IQCM: variants seen among roughly 807,000 people sequenced by gnomAD.
IQCM encodes IQ domain-containing protein M.
A neutral mutation model predicts 57.6 loss-of-function variants in IQCM; 45 were observed. The ratio of observed to expected loss-of-function variants is 0.78; its 90% CI spans 0.62 to 1.00. The LOEUF is 1.00. Ranked by LOEUF, IQCM falls within the 50% of genes least tolerant of loss-of-function variation. IQCM has a pLI of 0.00. For missense variants in IQCM, 468 were observed against 511.6 expected (o/e 0.91, Z 0.82); for synonymous variants, 148 against 158.9 (o/e 0.93, Z 0.51).
chr4:149,408,955 A>G (rs1179129403), intron 13 of IQCM, among the ~76,000 whole-genome samples: 2 of 152,222 alleles, frequency 1.3e-5, no homozygotes, highest in Non-Finnish European at 2.9e-5. Context: ...TTTTGTGTAC[A>G]CATCGCAACC....
intron 12 of IQCM, among the ~76,000 whole-genome samples, chr4:149,514,307 A>G (rs1297113086): frequency 1.3e-5 from 2 of 152,200 alleles, no homozygotes; most frequent in Non-Finnish European, 2.9e-5. Flanking sequence ...GTGAAAGAAC[A>G]TGCTAAATAT....
At chr4:149,761,694 T>C (rs1769531882) in intron 2 of IQCM, among the ~76,000 whole-genome samples, 1 of 152,092 alleles carries the variant, frequency 6.6e-6, no homozygotes, top group Non-Finnish European at 1.5e-5. Flanking sequence ...TCCCTCATAG[T>C]TCCTACGAAG....
chr4:149,701,963 G>C (rs1763804425), intron 5 of IQCM, among the ~76,000 whole-genome samples: 1 of 151,762 alleles, frequency 6.6e-6, no homozygotes, highest in Non-Finnish European at 1.5e-5. Flanking sequence ...ATCTTTTCTA[G>C]CCTCACAACT....
intron 7 of IQCM, among the ~76,000 whole-genome samples, chr4:149,650,230 G>GAC (rs1390945583): frequency 6.6e-6 from 1 of 151,586 alleles, no homozygotes; most frequent in African/African-American, 2.4e-5. Context: ...GAGACACAAA[G>GAC]ACACACAGGA....
chr4:149,652,341 T>C (rs1430309836), intron 7 of IQCM, among the ~76,000 whole-genome samples: 2 of 152,008 alleles, frequency 1.3e-5, no homozygotes. Context: ...AAATACCTAA[T>C]GCATGCGGGG....
chr4:149,741,987 A>T (rs1767499537), intron 3 of IQCM, among the ~76,000 whole-genome samples: 1 of 152,148 alleles, frequency 6.6e-6, no homozygotes, highest in Non-Finnish European at 1.5e-5. Context: ...TACAGTGTGA[A>T]CTGAATATGT....
intron 13 of IQCM, among the ~76,000 whole-genome samples, chr4:149,428,458 G>C (rs1444606673): frequency 1.3e-5 from 2 of 151,802 alleles, no homozygotes; most frequent in Non-Finnish European, 2.9e-5. Flanking sequence ...AGGATTAGGA[G>C]GGATTCTGAA....
chr4:149,690,384 A>C (rs1762858562), intron 5 of IQCM, among the ~76,000 whole-genome samples: 1 of 151,896 alleles, frequency 6.6e-6, no homozygotes, highest in Admixed American at 6.6e-5. Flanking sequence ...GTGGATGCAA[A>C]GGCATAAGAA....
intron 10 of IQCM, among the ~76,000 whole-genome samples, chr4:149,562,074 G>A (rs1750178310): frequency 6.6e-6 from 1 of 152,290 alleles, no homozygotes; most frequent in South Asian, 2.1e-4. Flanking sequence ...ATGTGATGAA[G>A]CTTAACAAAA....
chr4:149,608,102 C>T (rs1028845638), intron 8 of IQCM, among the ~76,000 whole-genome samples: 4 of 151,016 alleles, frequency 2.6e-5, no homozygotes, highest in African/African-American at 7.3e-5. Flanking sequence ...CAGTGGAAAC[C>T]AAAAAAAGAG....
chr4:149,432,831 A>G (rs1734996726), intron 13 of IQCM, among the ~76,000 whole-genome samples: 1 of 152,060 alleles, frequency 6.6e-6, no homozygotes, highest in African/African-American at 2.4e-5. Context: ...TTGAATAGAC[A>G]CTTCAACAAA....
chr4:149,618,678 A>G (rs1396353693), intron 8 of IQCM, among the ~76,000 whole-genome samples: 1 of 152,222 alleles, frequency 6.6e-6, no homozygotes, highest in African/African-American at 2.4e-5. Flanking sequence ...GGCAAAGGAC[A>G]TAAGTGGACA....
At chr4:149,419,129 A>C (rs986176735) in intron 13 of IQCM, among the ~76,000 whole-genome samples, 3 of 152,104 alleles carry the variant, frequency 2.0e-5, no homozygotes, top group African/African-American at 4.8e-5. Context: ...TCACAGCTAT[A>C]GAAGAAACTA....
intron 2 of IQCM, among the ~76,000 whole-genome samples, chr4:149,782,145 G>A (rs2150010659): frequency 6.6e-6 from 1 of 152,060 alleles, no homozygotes; most frequent in Non-Finnish European, 1.5e-5. Context: ...AAATTCAGTG[G>A]AAAATGATTC....
rs944624479 is a variant in IQCM, at chr4:149,735,459, C to T, written c.38-1G>A. 97 of 1,180,430 alleles carry T rather than the reference C, an allele frequency of 8.2e-5. No individual in the cohort carries two copies. Among genetic ancestry groups the T allele is most frequent in the Admixed American group, 2.1e-4 (5 of 23,610 alleles). 73.1% of individuals were successfully genotyped at this position (1,180,430 alleles called of 1,614,324 possible). A position where few individuals can be genotyped will look rare whatever the true frequency, so the allele number is the denominator to read the frequency against. On this transcript the variant is annotated splice_acceptor_variant, in intron 3 of 13. Coordinates refer to ENST00000636793, the MANE Select transcript of IQCM (RefSeq NM_001363507.2). LOFTEE classifies it high-confidence loss of function. ...TGCTTGGTGATCTCTAATGTAGGAC[C>T]TAATATACAAACAGAGAAACATTTT...
At chr4:149,383,451 A>G (rs1731212829) in intron 13 of IQCM, among the ~76,000 whole-genome samples, 1 of 152,176 alleles carries the variant, frequency 6.6e-6, no homozygotes, top group Non-Finnish European at 1.5e-5. Context: ...GCATTTTGGT[A>G]TATGCAATAA....
chr4:149,464,757 C>T (rs370344139), intron 12 of IQCM, among the ~76,000 whole-genome samples: 2 of 152,232 alleles, frequency 1.3e-5, no homozygotes, highest in African/African-American at 2.4e-5. Context: ...ATATCTGTGC[C>T]ACTCAATTTG....
At chr4:149,586,031 C>T (rs1302295873) in intron 9 of IQCM, among the ~76,000 whole-genome samples, 1 of 151,584 alleles carries the variant, frequency 6.6e-6, no homozygotes, top group Non-Finnish European at 1.5e-5. Flanking sequence ...AATAAACATT[C>T]ATCGTGGAGG....
In IQCM at chr4:149,598,757, A is replaced by G. The variant is rs182927768; in HGVS notation, c.682-10760T>C. 2.6e-5 allele frequency among the ~76,000 whole-genome samples: 4 copies of G among 152,336 alleles called. No individual in the cohort carries two copies. In the East Asian group the frequency reaches 7.7e-4, roughly 29 times the overall value. On this transcript the variant is annotated intron_variant, in intron 8 of 13. Transcript: ENST00000636793. ...TTGACAGTATTAATTGTTTCCAAGT[A>G]TATGAAGCAATGGAGACTCTCATAA...
Sources: allele counts gnomAD v4.1 joint callset (sites outside exome capture counted in the v4.1 genomes callset), GRCh38; gene constraint gnomAD v4.1.1; transcripts MANE v1.5; gene names NCBI Gene and HGNC (gene_info 2026-07-23, HGNC 2026-07-21).